SHISA6: variants seen among roughly 807,000 people sequenced by gnomAD.
The protein encoded by SHISA6 is shisa family member 6.
Under a neutral mutation model 47.9 loss-of-function variants are expected in SHISA6, and 22 were observed. The ratio of observed to expected loss-of-function variants is 0.46; its 90% CI spans 0.33 to 0.66. The LOEUF (loss-of-function observed/expected upper bound fraction) is 0.66. Ranked by LOEUF, SHISA6 falls within the 30% of genes least tolerant of loss-of-function variation. The pLI, the probability that SHISA6 is intolerant of heterozygous loss-of-function variation, is 0.02. For missense variants in SHISA6, 680 were observed against 764.6 expected (o/e 0.89, Z 1.30); for synonymous variants, 388 against 337.8 (o/e 1.15, Z -1.63).
At chr17:11,249,048 G>A (rs1311272565) in intron 1 of SHISA6, among the ~76,000 whole-genome samples, 1 of 150,590 alleles carries the variant, frequency 6.6e-6, no homozygotes, top group African/African-American at 2.4e-5. Flanking sequence ...TGAGGCAGGA[G>A]AATGGCGTGA....
chr17:11,520,095 T>C (rs2071616681), intron 3 of SHISA6, among the ~76,000 whole-genome samples: 1 of 152,178 alleles, frequency 6.6e-6, no homozygotes, highest in South Asian at 2.1e-4. Flanking sequence ...TGTGGATGAT[T>C]CTCAAAATTA....
At chr17:11,429,971 T>C (rs576404446) in intron 3 of SHISA6, among the ~76,000 whole-genome samples, 3 of 152,190 alleles carry the variant, frequency 2.0e-5, no homozygotes, top group African/African-American at 7.2e-5. Context: ...GGTATTTGAA[T>C]TGGAAAAGGA....
intron 2 of SHISA6, among the ~76,000 whole-genome samples, chr17:11,339,641 T>C (rs1597465313): frequency 1.3e-5 from 2 of 152,212 alleles, no homozygotes; most frequent in East Asian, 3.8e-4. Context: ...TTAGAAAGAC[T>C]GGCAGCAACA....
At chr17:11,436,068 T>C (rs1914929956) in intron 3 of SHISA6, among the ~76,000 whole-genome samples, 1 of 152,192 alleles carries the variant, frequency 6.6e-6, no homozygotes, top group Non-Finnish European at 1.5e-5. Context: ...GAGGGTAACC[T>C]GCAACCGAAT....
chr17:11,452,568 C>T (rs1304178076), intron 3 of SHISA6, among the ~76,000 whole-genome samples: 1 of 152,162 alleles, frequency 6.6e-6, no homozygotes, highest in Admixed American at 6.5e-5. Flanking sequence ...GCTCCAGAAC[C>T]TGAAAGGTTG....
At chr17:11,362,990 C>A (rs1050056626) in intron 2 of SHISA6, among the ~76,000 whole-genome samples, 7 of 152,212 alleles carry the variant, frequency 4.6e-5, no homozygotes, top group Non-Finnish European at 8.8e-5. Context: ...TTCAGGCCCA[C>A]TGCTGAAATG....
chr17:11,481,479 A>C (rs1379616762), intron 3 of SHISA6, among the ~76,000 whole-genome samples: 1 of 145,430 alleles, frequency 6.9e-6, no homozygotes, highest in Non-Finnish European at 1.5e-5. Context: ...GAAATAATAA[A>C]ATGACAAACT....
chr17:11,352,304 GA>G (rs371209514), intron 2 of SHISA6, among the ~76,000 whole-genome samples: 31 of 148,644 alleles, frequency 2.1e-4, no homozygotes, highest in East Asian at 1.6e-3. Context: ...ATCAAAGGAG[GA>G]AAAAAAAAAC....
intron 3 of SHISA6, among the ~76,000 whole-genome samples, chr17:11,538,777 A>C (rs1250572214): frequency 6.6e-6 from 1 of 152,206 alleles, no homozygotes; most frequent in Non-Finnish European, 1.5e-5. Context: ...TCTAAACTTT[A>C]ACCTGGTGGT....
chr17:11,385,372 G>C (rs1913158362), intron 3 of SHISA6, among the ~76,000 whole-genome samples: 1 of 151,996 alleles, frequency 6.6e-6, no homozygotes, highest in Non-Finnish European at 1.5e-5. Context: ...GGTCAGAAAG[G>C]TGCAGGGAAT....
chr17:11,250,315 G>C (rs920276990), intron 1 of SHISA6, among the ~76,000 whole-genome samples: 1 of 152,170 alleles, frequency 6.6e-6, no homozygotes, highest in African/African-American at 2.4e-5. Context: ...TCTGCATTCA[G>C]ACGGGGTCAC....
chr17:11,404,456 CAG>C (rs745548770), intron 3 of SHISA6, among the ~76,000 whole-genome samples: 7 of 152,138 alleles, frequency 4.6e-5, no homozygotes, highest in Non-Finnish European at 1.0e-4. Context: ...TTAATGGAGA[CAG>C]AGGAAAGAAA....
chr17:11,271,995 C>A (rs150362517), intron 2 of SHISA6, among the ~76,000 whole-genome samples: 4 of 151,972 alleles, frequency 2.6e-5, no homozygotes, highest in African/African-American at 9.7e-5. Flanking sequence ...CTTCTCTCCC[C>A]GACAGCCAAA....
intron 3 of SHISA6, among the ~76,000 whole-genome samples, chr17:11,482,526 T>C (rs1162283396): frequency 6.6e-6 from 1 of 152,104 alleles, no homozygotes; most frequent in African/African-American, 2.4e-5. Flanking sequence ...GGAAAAAAAA[T>C]TACACTAACA....
chr17:11,464,760 T>C (rs1220855014), intron 3 of SHISA6, among the ~76,000 whole-genome samples: 1 of 152,060 alleles, frequency 6.6e-6, no homozygotes, highest in Admixed American at 6.5e-5. Flanking sequence ...CTGGCCAACA[T>C]GGTGAAACTC....
intron 3 of SHISA6, among the ~76,000 whole-genome samples, chr17:11,399,016 T>C (rs768734936): frequency 3.9e-5 from 6 of 152,142 alleles, no homozygotes; most frequent in Non-Finnish European, 8.8e-5. Context: ...AGTGGAAAGA[T>C]CACTTGCTGT....
intron 2 of SHISA6, among the ~76,000 whole-genome samples, chr17:11,316,155 G>GT (rs1555527899): frequency 1.6e-5 from 2 of 123,490 alleles, no homozygotes; most frequent in African/African-American, 5.8e-5. Context: ...TGAACATAGT[G>GT]TTTTTAAAAA....
chr17:11,244,649 G>T lies in SHISA6; in HGVS notation c.638+2589G>T, dbSNP rs1356342543. Among the ~76,000 whole-genome samples the T allele has an allele frequency of 5.9e-5, 9 of 152,186 alleles. No individual in the cohort carries two copies. In the South Asian group the frequency reaches 1.2e-3, roughly 21 times the overall value. ...AAAAGGAGGGAGTGATAGAGACAGA[G>T]AAATATTCACACCGTAATGAGTTTT... On this transcript the variant is annotated intron_variant, in intron 1 of 5. Transcript: ENST00000441885.
At chr17:11,351,124 C>T (rs1344836997) in intron 2 of SHISA6, among the ~76,000 whole-genome samples, 5 of 151,842 alleles carry the variant, frequency 3.3e-5, no homozygotes, top group African/African-American at 1.2e-4. Context: ...GGGAACATCA[C>T]ACACTGGGGC....
Sources: gnomAD v4.1 joint callset for allele counts (sites outside exome capture counted in the v4.1 genomes callset) on GRCh38, gnomAD v4.1.1 for gene constraint, MANE v1.5 for transcripts, NCBI Gene and HGNC (gene_info 2026-07-23, HGNC 2026-07-21) for gene names.